BEND7: variants seen among roughly 807,000 people sequenced by gnomAD.
BEND7 encodes BEN domain containing 7.
BEND7 carries 28 observed loss-of-function variants against 50.9 expected under a neutral mutation model. The observed-to-expected ratio is 0.55, with a 90% CI of 0.41 to 0.75. The LOEUF (loss-of-function observed/expected upper bound fraction) is 0.75, where lower values mean the gene tolerates loss of function less well. Ranked by LOEUF, BEND7 falls within the 30% of genes least tolerant of loss-of-function variation. The pLI is 0.00. For missense variants in BEND7, 477 were observed against 491.3 expected, an observed-to-expected ratio of 0.97 and a Z score of 0.28; for synonymous variants, 170 against 183.9, an observed-to-expected ratio of 0.92 and a Z score of 0.61.
chr10:13,497,697 T>C (rs754938947), intron 3 of BEND7, among the ~76,000 whole-genome samples: 4 of 152,216 alleles, frequency 2.6e-5, no homozygotes, highest in African/African-American at 7.2e-5. Flanking sequence ...AAATGGGACA[T>C]TTGGACATTG....
chr10:13,452,590 T>G lies in BEND7; in HGVS notation c.1132A>C (p.Ile378Leu). 6.2e-7 allele frequency: 1 copy of G among 1,613,826 alleles called. No homozygotes were observed. Among genetic ancestry groups the G allele is most frequent in the Non-Finnish European group, 8.5e-7 (1 of 1,179,796 alleles). The stretch of plus-strand genomic sequence containing the variant: ...GCCAGTTTAATTTGATCCTGTAGAA[T>G]CTGTACCCAATCTCTTGGGCCAGGA... ...KLPGPRDWVQILQDQIKLARR... is the reference protein window; with the variant it reads ...KLPGPRDWVQLLQDQIKLARR... The change falls in exon 7 of 9, where the codon ATT becomes CTT. Residue 378 changes from isoleucine to leucine, a missense_variant. By Grantham distance (5) the Ile-to-Leu change is conservative. Transcript: ENST00000466271.
intron 6 of BEND7, among the ~76,000 whole-genome samples, chr10:13,457,490 T>C (rs1456533674): frequency 6.6e-6 from 1 of 152,226 alleles, no homozygotes; most frequent in Non-Finnish European, 1.5e-5. Context: ...GGGGCAGCAA[T>C]AGGCTTTTTG....
At chr10:13,483,480 AAAC>A (rs2076008106) in intron 5 of BEND7, among the ~76,000 whole-genome samples, 1 of 152,376 alleles carries the variant, frequency 6.6e-6, no homozygotes, top group South Asian at 2.1e-4. Context: ...AGAATAAACA[AAAC>A]AATATGTAAG....
chr10:13,509,744 G>A (rs993791845), intron 2 of BEND7, among the ~76,000 whole-genome samples: 1 of 152,206 alleles, frequency 6.6e-6, no homozygotes, highest in Non-Finnish European at 1.5e-5. Context: ...GAGAAGTGAA[G>A]TGGGCAATGG....
chr10:13,482,753 C>T (rs1201532628), intron 5 of BEND7, among the ~76,000 whole-genome samples: 2 of 152,176 alleles, frequency 1.3e-5, no homozygotes, highest in African/African-American at 4.8e-5. Flanking sequence ...CAGGTTTTCC[C>T]CTTAACTTCT....
chr10:13,495,532 C>T (rs1174931812), intron 4 of BEND7, among the ~76,000 whole-genome samples: 1 of 152,068 alleles, frequency 6.6e-6, no homozygotes, highest in East Asian at 1.9e-4. Flanking sequence ...CGTGGTGGCA[C>T]ATGCCTGTAA....
At chr10:13,506,332 C>T (rs1556991) in intron 2 of BEND7, among the ~76,000 whole-genome samples, 118,632 of 152,104 alleles carry the variant, frequency 0.78, 46,515 homozygotes, top group Non-Finnish European at 0.81. Context: ...AGAGGAGAAC[C>T]TGGCTTTCCT....
Position 13,528,477 on chromosome 10 carries a change from G to C in BEND7, c.57C>G (p.Ser19Arg). 1 of 1,034,098 alleles carries C rather than the reference G, an allele frequency of 9.7e-7. No homozygotes were observed. Among genetic ancestry groups the C allele is most frequent in the Non-Finnish European group, 1.2e-6 (1 of 861,536 alleles). The allele number at this position is 1,034,098 out of a possible 1,614,324, so 64.1% of individuals were successfully genotyped here. A position where few individuals can be genotyped will look rare whatever the true frequency, so the allele number is the denominator to read the frequency against. ...GCCGCCCCGGCGGCCGCTTACCTCGGCTCACCAGTTTGAAGCTCTGGGATT... is the reference window on the plus strand; with the variant it reads ...GCCGCCCCGGCGGCCGCTTACCTCGCCTCACCAGTTTGAAGCTCTGGGATT... ...SRKSQSFKLV[S>R]RDYHHEVYKI... Residue 19 changes from serine to arginine, a missense_variant, in exon 1 of 9, where the codon AGC (serine) becomes AGG (arginine). Around this residue, in one of 3 missense-constraint regions of BEND7, gnomAD observed 396 missense variants for 384.2 expected, o/e 1.03. Coordinates refer to ENST00000466271, the MANE Select transcript of BEND7 (RefSeq NM_001369863.1).
chr10:13,446,902 G>T (rs1836454980), intron 8 of BEND7: 1 of 302,910 alleles, frequency 3.3e-6, no homozygotes, highest in East Asian at 1.1e-4. Flanking sequence ...GGACAGCCTA[G>T]CCATGAATTT....
intron 4 of BEND7, 149 bp from the exon 5 acceptor site, chr10:13,493,025 A>G: frequency 7.3e-6 from 7 of 959,180 alleles, no homozygotes; most frequent in Non-Finnish European, 7.5e-6. Flanking sequence ...AACTGGACCT[A>G]AAGGTTACCA....
chr10:13,458,813 C>T (rs1405235898), intron 6 of BEND7, among the ~76,000 whole-genome samples: 1 of 152,030 alleles, frequency 6.6e-6, no homozygotes, highest in Non-Finnish European at 1.5e-5. Flanking sequence ...GCAGGCAGCC[C>T]GCCCACACAT....
Position 13,500,665 on chromosome 10 carries a change from C to T in BEND7, c.146-585G>A, listed in dbSNP as rs1441606475. 2.2e-5 allele frequency: 22 copies of T among 985,724 alleles called. No individual in the cohort carries two copies. In the East Asian group the frequency reaches 5.7e-4, roughly 25 times the overall value. 61.1% of individuals were successfully genotyped at this position (985,724 alleles called of 1,614,324 possible). A position where few individuals can be genotyped will look rare whatever the true frequency, so the allele number is the denominator to read the frequency against. ...AATGTCCTCCAGGATGACACGCTGC[C>T]GCTGGAGACATCACCTTCAGAGAGG... is the stretch of plus-strand genomic sequence containing the variant. On this transcript the variant is annotated intron_variant, in intron 2 of 8. Transcript: ENST00000466271.
chr10:13,447,086 A>G (rs935306265), intron 8 of BEND7, 180 bp downstream of exon 8: 33 of 651,210 alleles, frequency 5.1e-5, no homozygotes, highest in Non-Finnish European at 2.7e-6. Context: ...TTTTCTATTC[A>G]GTATGAAAAA....
chr10:13,450,883 A>G (rs1214013281), intron 7 of BEND7, among the ~76,000 whole-genome samples: 1 of 151,608 alleles, frequency 6.6e-6, no homozygotes, highest in Non-Finnish European at 1.5e-5. Context: ...GAAATGAGAC[A>G]TGGTTAGGGG....
intron 5 of BEND7, among the ~76,000 whole-genome samples, chr10:13,486,299 G>A (rs1317436138): frequency 2.0e-5 from 3 of 152,232 alleles, no homozygotes; most frequent in African/African-American, 7.2e-5. Flanking sequence ...AAAGTGCTGG[G>A]ATTATAGGCG....
At chr10:13,458,282 C>T (rs1013749343) in intron 6 of BEND7, among the ~76,000 whole-genome samples, 5 of 152,350 alleles carry the variant, frequency 3.3e-5, no homozygotes, top group Middle Eastern at 3.4e-3. Context: ...CAAGTGAAGG[C>T]GGCAGCGCGT....
intron 6 of BEND7, among the ~76,000 whole-genome samples, chr10:13,461,726 C>T (rs1840246103): frequency 1.8e-5 from 2 of 113,356 alleles, no homozygotes; most frequent in African/African-American, 6.3e-5. Flanking sequence ...GAGCGAGACT[C>T]CATCTTAAAA....
At chr10:13,525,505 T>C (rs2079397621) in intron 2 of BEND7, among the ~76,000 whole-genome samples, 3 of 152,150 alleles carry the variant, frequency 2.0e-5, no homozygotes, top group Non-Finnish European at 4.4e-5. Flanking sequence ...TGTCCCAAAA[T>C]GCTGGTGTGA....
chr10:13,484,941 C>T (rs1564334808), intron 5 of BEND7, among the ~76,000 whole-genome samples: 1 of 152,218 alleles, frequency 6.6e-6, no homozygotes, highest in Non-Finnish European at 1.5e-5. Context: ...GTCACCAACA[C>T]TCTTGAAAAT....
Sources: gnomAD v4.1 joint callset for allele counts (sites outside exome capture counted in the v4.1 genomes callset) on GRCh38, gnomAD v4.1.1 for gene constraint, gnomAD v4.1.1 regional missense constraint, MANE v1.5 for transcripts, NCBI Gene and HGNC (gene_info 2026-07-23, HGNC 2026-07-21) for gene names.